Variants in PTPRD observed in about 807,000 individuals in gnomAD.
PTPRD encodes receptor-type tyrosine-protein phosphatase delta.
In PTPRD, 34 loss-of-function variants were observed where a neutral mutation model predicts 214.5. The ratio of observed to expected loss-of-function variants is 0.16; its 90% CI spans 0.12 to 0.21. PTPRD has a LOEUF of 0.21. Ranked by LOEUF, PTPRD falls within the 10% of genes least tolerant of loss-of-function variation. The pLI, the probability that PTPRD is intolerant of heterozygous loss-of-function variation, is 1.00. For synonymous variants in PTPRD, 1,128 were observed against 845.7 expected (o/e 1.33, Z -5.79); for missense variants, 2,545 against 2,398.7 (o/e 1.06, Z -1.27).
intron 11 of PTPRD, among the ~76,000 whole-genome samples, chr9:8,803,987 CTGTTGCCCAGGCTGGAG>C (rs2096623398): frequency 6.6e-6 from 1 of 152,012 alleles, no homozygotes; most frequent in Non-Finnish European, 1.5e-5. Context: ...GAGTCTCGCT[CTGTTGCCCAGGCTGGAG>C]TGTAGTGGTG....
intron 3 of PTPRD, among the ~76,000 whole-genome samples, chr9:10,269,315 A>G (rs1041616857): frequency 3.3e-5 from 5 of 152,242 alleles, no homozygotes; most frequent in Non-Finnish European, 7.3e-5. Context: ...ATATGCTACA[A>G]TGGTGCTACA....
intron 3 of PTPRD, among the ~76,000 whole-genome samples, chr9:10,309,331 C>A (rs1224585158): frequency 6.6e-6 from 1 of 151,554 alleles, no homozygotes; most frequent in Non-Finnish European, 1.5e-5. Flanking sequence ...TGATTTCTTT[C>A]TTCCTTTTGT....
intron 9 of PTPRD, among the ~76,000 whole-genome samples, chr9:9,317,052 A>G (rs1220085339): frequency 6.6e-6 from 1 of 152,194 alleles, no homozygotes; most frequent in Non-Finnish European, 1.5e-5. Context: ...TTATTCGCAT[A>G]TACTGATCTA....
chr9:10,447,351 C>T (rs1412652709), intron 2 of PTPRD, among the ~76,000 whole-genome samples: 2 of 151,940 alleles, frequency 1.3e-5, no homozygotes, highest in African/African-American at 4.9e-5. Context: ...TGTCCTACAC[C>T]ATCATCTTCC....
intron 30 of PTPRD, among the ~76,000 whole-genome samples, chr9:8,481,697 CCT>C (rs1199434948): frequency 4.6e-5 from 7 of 152,068 alleles, no homozygotes; most frequent in African/African-American, 1.7e-4. Flanking sequence ...CACATTTTCC[CCT>C]CATTGCTTCA....
At chr9:10,321,297 T>C (rs2096548164) in intron 3 of PTPRD, among the ~76,000 whole-genome samples, 1 of 151,888 alleles carries the variant, frequency 6.6e-6, no homozygotes. Context: ...AGAGAAAACA[T>C]CTCTGAGGAA....
intron 11 of PTPRD, among the ~76,000 whole-genome samples, chr9:8,943,987 T>C (rs915644648): frequency 6.6e-6 from 1 of 151,934 alleles, no homozygotes; most frequent in Non-Finnish European, 1.5e-5. Flanking sequence ...GAGAAAACAT[T>C]TGCAAACTAT....
intron 9 of PTPRD, among the ~76,000 whole-genome samples, chr9:9,385,791 G>A (rs1223190107): frequency 6.6e-6 from 1 of 152,064 alleles, no homozygotes; most frequent in Non-Finnish European, 1.5e-5. Flanking sequence ...TTTAAATTCC[G>A]CTTTCCATTT....
At chr9:8,455,205 C>A (rs2096140442) in intron 33 of PTPRD, among the ~76,000 whole-genome samples, 1 of 152,166 alleles carries the variant, frequency 6.6e-6, no homozygotes, top group African/African-American at 2.4e-5. Flanking sequence ...TTAAGTGCAT[C>A]TTCAGTTTAG....
intron 10 of PTPRD, among the ~76,000 whole-genome samples, chr9:9,181,356 T>C (rs2099928093): frequency 6.6e-6 from 1 of 151,918 alleles, no homozygotes; most frequent in African/African-American, 2.4e-5. Flanking sequence ...TTTTTCTGAC[T>C]GTGTGCTATG....
At chr9:9,194,503 A>T (rs1479161236) in intron 9 of PTPRD, among the ~76,000 whole-genome samples, 1 of 152,156 alleles carries the variant, frequency 6.6e-6, no homozygotes, top group African/African-American at 2.4e-5. Context: ...AATGGCTGTG[A>T]TGTCACTGGG....
rs1185699346 is a variant in PTPRD, at chr9:8,340,397, C to G, written c.5199G>C (p.Trp1733Cys). Residue 1733 changes from tryptophan to cysteine, a missense_variant, in exon 42 of 46, where the codon TGG (tryptophan) becomes TGC (cysteine). Trp to Cys is a radical substitution (Grantham distance 215). Transcript: ENST00000381196. ...TCACAACTATGGTGGAATTGTGTTC[C>G]CAGAGCATCCGCCAGAAGTCTTCAG... Reference protein sequence around the residue: ...ETTEDFWRMLWEHNSTIVVML... With the variant: ...ETTEDFWRMLCEHNSTIVVML... 1.2e-6 allele frequency: 2 copies of G among 1,610,832 alleles called. No individual in the cohort carries two copies. Among genetic ancestry groups the G allele is most frequent in the Admixed American group, 1.7e-5 (1 of 59,850 alleles).
At chr9:8,877,195 G>C (rs907734709) in intron 11 of PTPRD, among the ~76,000 whole-genome samples, 1 of 152,044 alleles carries the variant, frequency 6.6e-6, no homozygotes, top group Non-Finnish European at 1.5e-5. Context: ...AAAATGCTGG[G>C]ATTAAAGGCG....
At chr9:8,376,779 A>C in intron 37 of PTPRD, 53 bp from the exon 38 acceptor site, 1 of 1,602,814 alleles carries the variant, frequency 6.2e-7, no homozygotes, top group Non-Finnish European at 8.5e-7. Flanking sequence ...TTTCTCTATT[A>C]ACTTTGCTTT....
intron 2 of PTPRD, among the ~76,000 whole-genome samples, chr9:10,354,357 A>C (rs1358339640): frequency 2.6e-5 from 4 of 152,178 alleles, no homozygotes; most frequent in Non-Finnish European, 5.9e-5. Context: ...AAATACATTT[A>C]GGATTTTCTA....
At chr9:8,770,027 T>C (rs1206493485) in intron 11 of PTPRD, among the ~76,000 whole-genome samples, 4 of 152,172 alleles carry the variant, frequency 2.6e-5, no homozygotes, top group African/African-American at 9.6e-5. Context: ...ATGCCTGTAA[T>C]CCCAGCACTT....
At chr9:10,507,391 T>C (rs1414080264) in intron 2 of PTPRD, among the ~76,000 whole-genome samples, 1 of 152,130 alleles carries the variant, frequency 6.6e-6, no homozygotes, top group Admixed American at 6.5e-5. Context: ...ATTTATAGAT[T>C]CAATGCCATC....
Position 10,465,445 on chromosome 9 carries a change from G to C in PTPRD, c.-599-124428C>G, listed in dbSNP as rs555342648. ...ACCATATCACTATAGTAAATATATAGGCTTACCACAATTCCACCTACTAAA... is the reference window on the plus strand; with the variant it reads ...ACCATATCACTATAGTAAATATATACGCTTACCACAATTCCACCTACTAAA... On this transcript the variant is annotated intron_variant, in intron 2 of 45. Coordinates refer to ENST00000381196, the MANE Select transcript of PTPRD (RefSeq NM_002839.4). Among the ~76,000 whole-genome samples, 66 of 152,138 alleles carry C rather than the reference G, an allele frequency of 4.3e-4. No individual in the cohort carries two copies. In the South Asian group the frequency reaches 0.013, roughly 30 times the overall value.
intron 4 of PTPRD, among the ~76,000 whole-genome samples, chr9:9,988,110 C>T (rs1278703846): frequency 6.6e-6 from 1 of 152,074 alleles, no homozygotes; most frequent in African/African-American, 2.4e-5. Context: ...CTAAATTTAT[C>T]ATAACTCTTA....
Sources: allele counts gnomAD v4.1 joint callset (sites outside exome capture counted in the v4.1 genomes callset), GRCh38; gene constraint gnomAD v4.1.1; transcripts MANE v1.5; gene names NCBI Gene and HGNC (gene_info 2026-07-23, HGNC 2026-07-21).